The following CLASP1 variants were observed in gnomAD, a reference collection of about 807,000 sequenced individuals.
CLASP1 encodes CLIP-associating protein 1.
CLASP1 carries 38 observed loss-of-function variants against 192.3 expected under a neutral mutation model. The ratio of observed to expected loss-of-function variants is 0.20; its 90% CI spans 0.15 to 0.26. CLASP1 has a LOEUF of 0.26. Among genes scored for constraint, CLASP1 ranks in the 10% least tolerant of loss-of-function variants. The pLI is 1.00. For missense variants in CLASP1, 1,433 were observed against 1,932.5 expected, an observed-to-expected ratio of 0.74 and a Z score of 4.85; for synonymous variants, 691 against 712.8, an observed-to-expected ratio of 0.97 and a Z score of 0.49.
intron 7 of CLASP1, among the ~76,000 whole-genome samples, chr2:121,506,309 T>C (rs746205402): frequency 6.6e-6 from 1 of 152,116 alleles, no homozygotes; most frequent in Non-Finnish European, 1.5e-5. Context: ...TCCACCTATC[T>C]GGCACATCCC....
intron 1 of CLASP1, among the ~76,000 whole-genome samples, chr2:121,638,675 T>A (rs13023974): frequency 7.8e-6 from 1 of 128,316 alleles, no homozygotes; most frequent in South Asian, 2.4e-4. Context: ...TTTTTATTTT[T>A]TTTTTTTTTG....
chr2:121,366,045 T>C lies in CLASP1; in HGVS notation c.3887-761A>G, dbSNP rs191558345. Among the ~76,000 whole-genome samples the C allele has an allele frequency of 2.7e-4, 41 of 152,340 alleles. No homozygotes were observed. The East Asian group carries it at 6.9e-3, about 26-fold the overall frequency. On this transcript the variant is annotated intron_variant, in intron 35 of 39. Transcript: ENST00000263710. ...TTATTAGGAACTACTTAAATGTGTA[T>C]TTGCATACTTCTTTAGCTTCTAAGA...
chr2:121,574,165 T>C (rs1302102434), intron 2 of CLASP1, among the ~76,000 whole-genome samples: 1 of 152,010 alleles, frequency 6.6e-6, no homozygotes, highest in Non-Finnish European at 1.5e-5. Flanking sequence ...CCGTCTCTAC[T>C]AAAAATAGAA....
chr2:121,624,797 G>A (rs1190245280), intron 1 of CLASP1, among the ~76,000 whole-genome samples: 3 of 152,102 alleles, frequency 2.0e-5, no homozygotes, highest in Non-Finnish European at 2.9e-5. Flanking sequence ...ATTTTAAAAC[G>A]TACAATTAAT....
rs780416814 is a variant in CLASP1, at chr2:121,355,229, G to C, written c.4207-6511C>G. The stretch of plus-strand genomic sequence containing the variant: ...AGTGGCGCCATCTTGGTGGGTTCAA[G>C]CGATTCTCCTGCCTCAGCCTCCGAG... On this transcript the variant is annotated intron_variant, in intron 37 of 39. Transcript: ENST00000263710. Among the ~76,000 whole-genome samples, 15 of 152,104 alleles carry C rather than the reference G, an allele frequency of 9.9e-5. 1 individual carries two copies. Among genetic ancestry groups the C allele is most frequent in the East Asian group, 5.8e-4 (3 of 5,184 alleles).
intron 1 of CLASP1, among the ~76,000 whole-genome samples, chr2:121,630,364 T>A (rs1398606072): frequency 2.0e-5 from 3 of 147,810 alleles, no homozygotes; most frequent in Non-Finnish European, 4.4e-5. Context: ...GTTTGGTAGA[T>A]CACCATATTG....
At chr2:121,573,116 C>T (rs72971259) in intron 2 of CLASP1, among the ~76,000 whole-genome samples, 219 of 152,260 alleles carry the variant, frequency 1.4e-3, no homozygotes, top group African/African-American at 4.7e-3. Flanking sequence ...CCTGCCACCA[C>T]GCCCAGCTAG....
At position 121,555,869 on chromosome 2, in the gene CLASP1, A is replaced by T. The variant is rs555082480; in HGVS notation, c.196-25544T>A. Among the ~76,000 whole-genome samples the T allele has an allele frequency of 9.9e-5, 15 of 151,370 alleles. No individual in the cohort carries two copies. The East Asian group carries it at 3.0e-3, about 30-fold the overall frequency. Reference sequence around the variant, plus strand: ...GTTAATTTTTTTGTATTTTTAGTAGAGATGGGGTTTCACCATGTTGGTCAG... The same window carrying T: ...GTTAATTTTTTTGTATTTTTAGTAGTGATGGGGTTTCACCATGTTGGTCAG... On this transcript the variant is annotated intron_variant, in intron 2 of 39. Transcript: ENST00000263710.
chr2:121,530,424 G>T (rs2094743285), intron 2 of CLASP1, 99 bp from the exon 3 acceptor site: 3 of 872,720 alleles, frequency 3.4e-6, no homozygotes, highest in Non-Finnish European at 5.5e-6. Context: ...CGGCCCAGAC[G>T]CAGTCCGAGA....
intron 8 of CLASP1, among the ~76,000 whole-genome samples, chr2:121,474,316 T>C (rs1317715026): frequency 1.3e-5 from 2 of 152,156 alleles, no homozygotes; most frequent in Non-Finnish European, 1.5e-5. Context: ...TCAAAGAGCA[T>C]ATATTTTTCA....
intron 2 of CLASP1, among the ~76,000 whole-genome samples, chr2:121,559,115 G>A (rs2058844900): frequency 6.6e-6 from 1 of 152,196 alleles, no homozygotes; most frequent in African/African-American, 2.4e-5. Flanking sequence ...CATGAGATGT[G>A]CAAACAACAT....
intron 1 of CLASP1, among the ~76,000 whole-genome samples, chr2:121,632,818 C>T (rs984115921): frequency 2.6e-5 from 4 of 151,708 alleles, no homozygotes; most frequent in African/African-American, 9.7e-5. Context: ...ATCACTTGAA[C>T]CTGGGAGGTG....
intron 7 of CLASP1, among the ~76,000 whole-genome samples, chr2:121,503,602 T>C (rs2093834063): frequency 6.6e-6 from 1 of 152,208 alleles, no homozygotes; most frequent in Non-Finnish European, 1.5e-5. Context: ...TTCTCCTCTT[T>C]CTTTCTTAGC....
intron 20 of CLASP1, among the ~76,000 whole-genome samples, chr2:121,429,142 A>G (rs1272019819): frequency 6.6e-6 from 1 of 152,212 alleles, no homozygotes; most frequent in Non-Finnish European, 1.5e-5. Context: ...TATCAAAGGG[A>G]AAAGAATTTA....
At chr2:121,526,819 T>A (rs956709534) in intron 5 of CLASP1, among the ~76,000 whole-genome samples, 1 of 151,956 alleles carries the variant, frequency 6.6e-6, no homozygotes, top group African/African-American at 2.4e-5. Flanking sequence ...TTTTTCATAA[T>A]CAGAAAAAAA....
Position 121,460,817 on chromosome 2 carries a change from G to A in CLASP1, c.1032+284C>T, listed in dbSNP as rs181632844. Among the ~76,000 whole-genome samples the A allele has an allele frequency of 1.5e-4, 23 of 152,222 alleles. No individual in the cohort carries two copies. In the East Asian group the frequency reaches 3.9e-3, roughly 26 times the overall value. Reference sequence around the variant, plus strand: ...GCCACCTTAAAGGCAAACAATCACAGAATGAAATTTCTGCTAAGGTGAGAG... The same window carrying A: ...GCCACCTTAAAGGCAAACAATCACAAAATGAAATTTCTGCTAAGGTGAGAG... On this transcript the variant is annotated intron_variant, in intron 11 of 39. Transcript: ENST00000263710.
At chr2:121,363,036 C>T (rs773534307) in intron 37 of CLASP1, 136 bp downstream of exon 38, 57 of 1,088,390 alleles carry the variant, frequency 5.2e-5, no homozygotes, top group Non-Finnish European at 7.1e-5. Flanking sequence ...GGGGACTCCA[C>T]TCTGTATTAC....
chr2:121,604,947 C>T (rs2064234252), intron 2 of CLASP1, among the ~76,000 whole-genome samples: 1 of 152,152 alleles, frequency 6.6e-6, no homozygotes, highest in South Asian at 2.1e-4. Context: ...AAGGGGCCAC[C>T]CTCTAGGGAA....
At position 121,415,047 on chromosome 2, in the gene CLASP1, C is replaced by T. The variant is rs368136801; in HGVS notation, c.2320+3575G>A. On this transcript the variant is annotated intron_variant, in intron 23 of 39. Transcript: ENST00000263710. Reference sequence around the variant, plus strand: ...TTCCCGCCTTAGCCTTCCAAAGTGCCGGGATTACAGGTGTGAGCCGCTACG... The same window carrying T: ...TTCCCGCCTTAGCCTTCCAAAGTGCTGGGATTACAGGTGTGAGCCGCTACG... Among the ~76,000 whole-genome samples, 9 of 152,150 alleles carry T rather than the reference C, an allele frequency of 5.9e-5. No homozygotes were observed. The South Asian group carries it at 1.5e-3, about 25-fold the overall frequency.
Sources: allele counts gnomAD v4.1 joint callset (sites outside exome capture counted in the v4.1 genomes callset), GRCh38; gene constraint gnomAD v4.1.1; transcripts MANE v1.5; gene names NCBI Gene and HGNC (gene_info 2026-07-23, HGNC 2026-07-21).